Variants in ERC2 observed in about 807,000 individuals in gnomAD.
ERC2 encodes the protein ELKS/RAB6-interacting/CAST family member 2, also known as ERC protein 2.
A neutral mutation model predicts 114.8 loss-of-function variants in ERC2; 42 were observed. That is an observed-to-expected ratio of 0.37 (90% CI 0.29 to 0.47). The LOEUF (loss-of-function observed/expected upper bound fraction) is 0.47, where lower values mean the gene tolerates loss of function less well. Ranked by LOEUF, ERC2 falls within the 20% of genes least tolerant of loss-of-function variation. ERC2 has a pLI of 0.99. For synonymous variants in ERC2, 454 were observed against 425.5 expected (o/e 1.07, Z -0.82); for missense variants, 939 against 1,150.7 (o/e 0.82, Z 2.66).
chr3:55,606,362 G>T (rs60581301), intron 17 of ERC2, among the ~76,000 whole-genome samples: 1 of 152,230 alleles, frequency 6.6e-6, no homozygotes, highest in South Asian at 2.1e-4. Context: ...GCTGGGCTAG[G>T]GGGTAGAGGA....
intron 3 of ERC2, among the ~76,000 whole-genome samples, chr3:56,186,345 T>C (rs6782034): frequency 0.11 from 16,691 of 151,976 alleles, 1,442 homozygotes; most frequent in African/African-American, 0.23. Context: ...CACTCCTCTG[T>C]TGGAGAGTTT....
At position 56,139,375 on chromosome 3, in the gene ERC2, A is replaced by G. The variant is rs2080713198; in HGVS notation, c.1473+134T>C. ...ATGCATCTCACCTTTCTGAAAGCCC[A>G]ACAAATATGAATTTCAAAATACATC... is the stretch of plus-strand genomic sequence containing the variant. On this transcript the variant is annotated intron_variant, in intron 6 of 17. Transcript: ENST00000288221. The G allele has an allele frequency of 5.9e-6, 5 of 850,308 alleles. No homozygotes were observed. In the South Asian group the frequency reaches 1.0e-4, roughly 17 times the overall value. 52.7% of individuals were successfully genotyped at this position (850,308 alleles called of 1,614,324 possible). A position where few individuals can be genotyped will look rare whatever the true frequency, so the allele number is the denominator to read the frequency against.
chr3:55,984,395 G>A (rs369699761), intron 12 of ERC2, among the ~76,000 whole-genome samples: 1 of 152,300 alleles, frequency 6.6e-6, no homozygotes, highest in African/African-American at 2.4e-5. Context: ...AGCTTGAGGT[G>A]TGGGAGCAAA....
intron 3 of ERC2, among the ~76,000 whole-genome samples, chr3:56,261,811 G>A (rs1463270106): frequency 1.3e-5 from 2 of 152,026 alleles, no homozygotes; most frequent in African/African-American, 2.4e-5. Context: ...TCATTACTGA[G>A]GTATTACGTC....
intron 10 of ERC2, among the ~76,000 whole-genome samples, chr3:56,005,581 G>C (rs534459506): frequency 6.6e-6 from 1 of 152,034 alleles, no homozygotes; most frequent in East Asian, 1.9e-4. Context: ...AAGGTGTCAA[G>C]CATGTACCTA....
intron 2 of ERC2, among the ~76,000 whole-genome samples, chr3:56,390,259 C>G (rs987501330): frequency 1.2e-4 from 18 of 152,200 alleles, no homozygotes; most frequent in Non-Finnish European, 2.4e-4. Flanking sequence ...AATCCCCCCA[C>G]TGAGTTTCAA....
chr3:56,434,603 G>T lies in ERC2; in HGVS notation c.405C>A (p.Val135=), dbSNP rs141688594. Residue 135 remains valine (V), a synonymous_variant, in exon 2 of 18, where the codon GTC becomes GTA. Coordinates refer to ENST00000288221, the MANE Select transcript of ERC2 (RefSeq NM_015576.3). ...TGSSHHHHHQ[V]PSMLRQVRDS... is the part of the protein sequence containing the mutation. ...CTCTTACCTGCCTCAACATGGAGGGGACCTGGTGGTGGTGATGATGGGATG... is the reference window on the plus strand; with the variant it reads ...CTCTTACCTGCCTCAACATGGAGGGTACCTGGTGGTGGTGATGATGGGATG... The T allele has an allele frequency of 6.2e-7, 1 of 1,613,960 alleles. No individual in the cohort carries two copies. Among genetic ancestry groups the T allele is most frequent in the African/African-American group, 1.3e-5 (1 of 75,032 alleles).
intron 15 of ERC2, among the ~76,000 whole-genome samples, chr3:55,704,043 C>A (rs553552010): frequency 2.0e-5 from 3 of 152,202 alleles, no homozygotes; most frequent in Non-Finnish European, 4.4e-5. Flanking sequence ...GGAGCAGGAG[C>A]CTTTAGAAAA....
chr3:55,951,537 G>A (rs113078681), intron 12 of ERC2, among the ~76,000 whole-genome samples: 201 of 152,296 alleles, frequency 1.3e-3, no homozygotes, highest in African/African-American at 4.7e-3. Flanking sequence ...TATTGCACCA[G>A]CAGCTTTTAG....
chr3:55,937,675 T>G (rs1200292081), intron 13 of ERC2, among the ~76,000 whole-genome samples: 6 of 152,210 alleles, frequency 3.9e-5, no homozygotes. Context: ...AAGCACATGT[T>G]GTGTAATAAA....
chr3:56,387,934 T>C (rs2059993187), intron 2 of ERC2, among the ~76,000 whole-genome samples: 1 of 152,150 alleles, frequency 6.6e-6, no homozygotes, highest in Admixed American at 6.6e-5. Context: ...CAGATAAATA[T>C]CTTCTTATTA....
chr3:56,033,036 GA>G (rs1428838178), intron 7 of ERC2, among the ~76,000 whole-genome samples: 1 of 69,358 alleles, frequency 1.4e-5, no homozygotes, highest in African/African-American at 4.4e-5. Context: ...GAAACAGAAA[GA>G]AAGAAAGAAA....
chr3:55,904,488 A>C (rs536628638), intron 13 of ERC2, among the ~76,000 whole-genome samples: 1 of 152,198 alleles, frequency 6.6e-6, no homozygotes, highest in Non-Finnish European at 1.5e-5. Context: ...GAACAATCCT[A>C]TTTTTATTAC....
At chr3:56,017,688 AC>A (rs2073401521) in intron 8 of ERC2, among the ~76,000 whole-genome samples, 1 of 151,814 alleles carries the variant, frequency 6.6e-6, no homozygotes, top group Non-Finnish European at 1.5e-5. Context: ...CACTCCCTGT[AC>A]CCCTCCCTGC....
chr3:56,264,232 A>G (rs1029757467), intron 3 of ERC2, among the ~76,000 whole-genome samples: 6 of 152,186 alleles, frequency 3.9e-5, no homozygotes, highest in African/African-American at 1.4e-4. Context: ...CTTTTTCCTT[A>G]AGATTCCATA....
chr3:55,938,928 C>T (rs2066613064), intron 13 of ERC2, among the ~76,000 whole-genome samples: 1 of 152,036 alleles, frequency 6.6e-6, no homozygotes, highest in South Asian at 2.1e-4. Context: ...CACCTTCCCC[C>T]AAAACAGTCA....
Position 55,985,464 on chromosome 3 carries a change from A to G in ERC2, c.2267+513T>C, listed in dbSNP as rs141208258. On this transcript the variant is annotated intron_variant, in intron 12 of 17. Transcript: ENST00000288221. ...TGTACAATATGTTACTAACACATTG[A>G]TAATTTTCAAAAGTGACTTTTTAAA... 2.6e-3 allele frequency among the ~76,000 whole-genome samples: 393 copies of G among 152,366 alleles called. 6 individuals carry two copies. Among genetic ancestry groups the G allele is most frequent in the African/African-American group, 8.9e-3 (371 of 41,594 alleles).
intron 6 of ERC2, among the ~76,000 whole-genome samples, chr3:56,087,451 C>A (rs921951356): frequency 6.6e-6 from 1 of 152,080 alleles, no homozygotes; most frequent in Admixed American, 6.6e-5. Context: ...ACATAAGACA[C>A]TCGACCTTTC....
intron 12 of ERC2, among the ~76,000 whole-genome samples, chr3:55,965,310 C>CT (rs1313341873): frequency 6.6e-6 from 1 of 152,194 alleles, no homozygotes; most frequent in Non-Finnish European, 1.5e-5. Flanking sequence ...CCACATGTGA[C>CT]TATTGGACAT....
Sources: allele counts gnomAD v4.1 joint callset (sites outside exome capture counted in the v4.1 genomes callset), GRCh38; gene constraint gnomAD v4.1.1; transcripts MANE v1.5; gene names NCBI Gene and HGNC (gene_info 2026-07-23, HGNC 2026-07-21).